COP1: variants seen among roughly 807,000 people sequenced by gnomAD.
COP1 encodes COP1 E3 ubiquitin ligase.
In COP1, 24 loss-of-function variants were observed where a neutral mutation model predicts 101.3. The observed-to-expected ratio is 0.24, with a 90% CI of 0.17 to 0.33. COP1 has a LOEUF of 0.33. Ranked by LOEUF, COP1 falls within the 10% of genes least tolerant of loss-of-function variation. The probability of loss-of-function intolerance (pLI) is 1.00; values close to 1 mark genes in which losing one functional copy is unlikely to be tolerated. For synonymous variants in COP1, 347 were observed against 341.9 expected (o/e 1.01, Z -0.17); for missense variants, 663 against 906.2 (o/e 0.73, Z 3.45).
chr1:176,170,157 T>C (rs1695817383), intron 3 of COP1, among the ~76,000 whole-genome samples: 1 of 152,230 alleles, frequency 6.6e-6, no homozygotes, highest in African/African-American at 2.4e-5. Context: ...CTCCCTCTAC[T>C]GAAGTCTTGA....
intron 9 of COP1, among the ~76,000 whole-genome samples, chr1:176,103,700 A>G (rs948410720): frequency 6.6e-6 from 1 of 152,216 alleles, no homozygotes; most frequent in East Asian, 1.9e-4. Flanking sequence ...AACTGCATGT[A>G]AATCTATAAT....
At chr1:175,950,214 TAA>T (rs55821760) in intron 18 of COP1, among the ~76,000 whole-genome samples, 21 of 145,012 alleles carry the variant, frequency 1.4e-4, no homozygotes, top group Admixed American at 2.1e-4. Context: ...CTTTATGTGT[TAA>T]AAAAAAAAAA....
intron 15 of COP1, among the ~76,000 whole-genome samples, chr1:175,992,479 T>C (rs1658824964): frequency 6.6e-6 from 1 of 152,042 alleles, no homozygotes. Flanking sequence ...GGTCAGGGAG[T>C]TCCCTTTCCT....
chr1:176,046,075 C>G (rs1298163100), intron 12 of COP1, 106 bp downstream of exon 12: 1 of 808,986 alleles, frequency 1.2e-6, no homozygotes. Flanking sequence ...TAATAGTGTT[C>G]ACCATGAGTA....
intron 1 of COP1, among the ~76,000 whole-genome samples, chr1:176,193,667 G>A (rs1476823699): frequency 2.0e-5 from 3 of 152,126 alleles, no homozygotes; most frequent in African/African-American, 7.2e-5. Context: ...ACATGGATGA[G>A]CCTTAGAAAC....
At chr1:176,066,478 T>C (rs1675994429) in intron 11 of COP1, among the ~76,000 whole-genome samples, 1 of 152,130 alleles carries the variant, frequency 6.6e-6, no homozygotes, top group Non-Finnish European at 1.5e-5. Flanking sequence ...TTGCCCATTT[T>C]ATCCTAATTG....
At chr1:176,026,962 T>C (rs908809055) in intron 15 of COP1, among the ~76,000 whole-genome samples, 1 of 152,130 alleles carries the variant, frequency 6.6e-6, no homozygotes, top group Non-Finnish European at 1.5e-5. Context: ...AGGGCACTAA[T>C]AATAAATACA....
intron 15 of COP1, among the ~76,000 whole-genome samples, chr1:176,026,969 T>TGGTTATTATTATTATATATAC (rs1364719271): frequency 1.1e-4 from 16 of 152,114 alleles, no homozygotes; most frequent in Admixed American, 8.5e-4. Flanking sequence ...TAATAATAAA[T>TGGTTATTATTATTATATATAC]ACAATGGTAC....
At chr1:175,986,771 T>G (rs1444909780) in intron 18 of COP1, among the ~76,000 whole-genome samples, 172 bp downstream of exon 18, 1 of 152,244 alleles carries the variant, frequency 6.6e-6, no homozygotes, top group Non-Finnish European at 1.5e-5. Context: ...GCTCTATTAC[T>G]ATGCATTTCA....
At chr1:176,049,578 C>G (rs559928994) in intron 11 of COP1, among the ~76,000 whole-genome samples, 16 of 152,022 alleles carry the variant, frequency 1.1e-4, no homozygotes, top group African/African-American at 1.7e-4. Context: ...CAGGTCCCCC[C>G]CCTCAAACCA....
intron 15 of COP1, among the ~76,000 whole-genome samples, chr1:176,019,839 C>A (rs1018913652): frequency 3.3e-5 from 5 of 151,902 alleles, no homozygotes; most frequent in South Asian, 2.1e-4. Flanking sequence ...GCAGCCTGGA[C>A]CACAGAGGGA....
At chr1:176,201,850 AAAG>A (rs1295211782) in intron 1 of COP1, among the ~76,000 whole-genome samples, 1 of 152,234 alleles carries the variant, frequency 6.6e-6, no homozygotes, top group East Asian at 1.9e-4. Context: ...TTATAAAGCA[AAAG>A]AAGCATCAAG....
At chr1:176,145,989 A>G (rs938508593) in intron 6 of COP1, among the ~76,000 whole-genome samples, 1 of 152,212 alleles carries the variant, frequency 6.6e-6, no homozygotes, top group Non-Finnish European at 1.5e-5. Flanking sequence ...TCTTTAAACT[A>G]TAAATTTGGT....
intron 14 of COP1, among the ~76,000 whole-genome samples, chr1:176,028,967 TG>T (rs1668214522): frequency 3.3e-5 from 5 of 151,518 alleles, no homozygotes; most frequent in Non-Finnish European, 5.9e-5. Flanking sequence ...TTGCTGAGAT[TG>T]GTCTCAAACT....
intron 18 of COP1, among the ~76,000 whole-genome samples, chr1:175,985,402 T>A (rs1260155097): frequency 6.6e-6 from 1 of 152,248 alleles, no homozygotes; most frequent in Non-Finnish European, 1.5e-5. Flanking sequence ...TAAGTTTGCA[T>A]CCTGTGGATA....
At chr1:176,059,072 G>A (rs1190360361) in intron 11 of COP1, among the ~76,000 whole-genome samples, 2 of 152,208 alleles carry the variant, frequency 1.3e-5, no homozygotes, top group Non-Finnish European at 2.9e-5. Context: ...ACAGGTGGTT[G>A]CAGATCTCAG....
intron 15 of COP1, among the ~76,000 whole-genome samples, chr1:175,993,472 A>AG (rs1659218403): frequency 6.6e-6 from 1 of 152,212 alleles, no homozygotes; most frequent in Admixed American, 6.5e-5. Flanking sequence ...CTTAAACCAA[A>AG]GGCAAAGAAG....
intron 11 of COP1, among the ~76,000 whole-genome samples, chr1:176,056,430 C>T (rs1225642094): frequency 7.9e-6 from 1 of 126,236 alleles, no homozygotes; most frequent in Admixed American, 8.3e-5. Context: ...ACAGTTAACA[C>T]AGGGATTTTT....
At chr1:176,130,297 C>T (rs747294383) in intron 8 of COP1, among the ~76,000 whole-genome samples, 11 of 151,660 alleles carry the variant, frequency 7.3e-5, no homozygotes, top group Non-Finnish European at 1.5e-4. Flanking sequence ...AATCACCCTC[C>T]CATACAAAAG....
Sources: allele counts gnomAD v4.1 joint callset (sites outside exome capture counted in the v4.1 genomes callset), GRCh38; gene constraint gnomAD v4.1.1; transcripts MANE v1.5; gene names NCBI Gene and HGNC (gene_info 2026-07-23, HGNC 2026-07-21).